The following KCNH3 variants were observed in gnomAD, a reference collection of about 807,000 sequenced individuals.
KCNH3 encodes the protein voltage-gated inwardly rectifying potassium channel KCNH3.
KCNH3 carries 36 observed loss-of-function variants against 95.6 expected under a neutral mutation model. The ratio of observed to expected loss-of-function variants is 0.38; its 90% confidence interval spans 0.29 to 0.50. KCNH3 has a LOEUF of 0.50. KCNH3 is among the 20% of genes least tolerant of loss of function. The pLI is 0.95. For missense variants in KCNH3, 1,030 were observed against 1,484.1 expected (o/e 0.69, Z 5.03); for synonymous variants, 620 against 646.3 (o/e 0.96, Z 0.62).
chr12:49,543,053 C>A (rs1937929570), intron 4 of KCNH3, among the ~76,000 whole-genome samples: 1 of 152,218 alleles, frequency 6.6e-6, no homozygotes, highest in Admixed American at 6.5e-5. Flanking sequence ...TCAATCCTGG[C>A]TCCTCCCCTA....
chr12:49,543,191 T>C lies in KCNH3; in HGVS notation c.580-84T>C. 3 of 1,428,052 alleles carry C rather than the reference T, an allele frequency of 2.1e-6. 1 individual carries two copies. The South Asian group carries it at 3.8e-5, about 18-fold the overall frequency. 88.5% of individuals were successfully genotyped at this position (1,428,052 alleles called of 1,614,324 possible). A position where few individuals can be genotyped will look rare whatever the true frequency, so the allele number is the denominator to read the frequency against. ...CGATAATGCAGGGATAGAAAGGAGG[T>C]GGATGCGGGTCCCAGACTCTATCCA... On this transcript the variant is annotated intron_variant, in intron 4 of 14. Transcript: ENST00000257981.
chr12:49,557,193 G>T lies in KCNH3; in HGVS notation c.2586G>T (p.Leu862=). 1 of 1,613,988 alleles carries T rather than the reference G, an allele frequency of 6.2e-7. No homozygotes were observed. Among genetic ancestry groups the T allele is most frequent in the Non-Finnish European group, 8.5e-7 (1 of 1,179,972 alleles). The change falls in exon 14 of 15, where the codon CTG becomes CTT. Residue 862 remains leucine, a synonymous_variant. Coordinates refer to ENST00000257981, the MANE Select transcript of KCNH3 (RefSeq NM_012284.3). ...TCCTACTACCCACAGAGAGCGGCCT[G>T]CTCACTGTTCCCCATGGGCCCAGCG... ...SSPSPGPESG[L]LTVPHGPSEA...
intron 7 of KCNH3, among the ~76,000 whole-genome samples, chr12:49,545,980 G>A (rs1262205654): frequency 1.3e-5 from 2 of 151,942 alleles, no homozygotes; most frequent in Admixed American, 6.6e-5. Flanking sequence ...GGGGTCAGAC[G>A]GCCACAAGAT....
chr12:49,544,144 C>CAACCCAA, intron 6 of KCNH3, 31 bp from the exon 7 acceptor site: 14 of 1,493,090 alleles, frequency 9.4e-6, no homozygotes, highest in Non-Finnish European at 1.0e-5. Context: ...GCTGACCTCC[C>CAACCCAA]TCCCTCCCTC....
chr12:49,550,860 G>A (rs1938235144), intron 10 of KCNH3, among the ~76,000 whole-genome samples: 3 of 152,164 alleles, frequency 2.0e-5, no homozygotes, highest in Admixed American at 1.3e-4. Flanking sequence ...TTCCCTTCCT[G>A]GGAAAAGAAG....
intron 9 of KCNH3, 33 bp from the exon 10 acceptor site, chr12:49,550,047 A>ACCCCCCCCCC: frequency 1.9e-6 from 1 of 539,782 alleles, no homozygotes; most frequent in Non-Finnish European, 3.0e-6. Context: ...TGCCACTCCC[A>ACCCCCCCCCC]ACCCCCCCAC....
At chr12:49,544,510 G>A in intron 7 of KCNH3, 128 bp downstream of exon 7, 1 of 881,688 alleles carries the variant, frequency 1.1e-6, no homozygotes, top group Admixed American at 2.1e-5. Flanking sequence ...CAGAGAAGAG[G>A]GTGTGCAGGT....
At chr12:49,542,945 C>T (rs1937926216) in intron 4 of KCNH3, 106 bp downstream of exon 4, 1 of 1,396,842 alleles carries the variant, frequency 7.2e-7, no homozygotes, top group Non-Finnish European at 9.6e-7. Context: ...GCCACCCAGG[C>T]CTTGCCAGCA....
chr12:49,543,804 G>A (rs1221433105), intron 5 of KCNH3, 111 bp from the exon 6 acceptor site: 4 of 1,387,344 alleles, frequency 2.9e-6, no homozygotes, highest in East Asian at 4.6e-5. Flanking sequence ...CTAAGACGAT[G>A]TATGGGAAGG....
In KCNH3 at chr12:49,548,984, G is replaced by A. The variant is rs1303011743; in HGVS notation, c.1279G>A (p.Asp427Asn). 3 of 1,610,772 alleles carry A rather than the reference G, an allele frequency of 1.9e-6. No homozygotes were observed. In the Admixed American group the frequency reaches 5.0e-5, roughly 27 times the overall value. Residue 427 changes from aspartate (D) to asparagine (N), a missense_variant, in exon 8 of 15, where the codon GAC (aspartate) becomes AAC (asparagine). By Grantham distance (23) the Asp-to-Asn change is conservative. This residue lies in a region of KCNH3 where 50 missense variants were observed against 41.0 expected (regional missense o/e 1.22). Transcript: ENST00000257981. ...TGGAGGGAACAGCTCCGGCCAGAGT[G>A]ACAACTGCAGCAGCAGCAGCGAGGC... is the stretch of plus-strand genomic sequence containing the variant. Reference protein sequence around the residue: ...PAGGNSSGQSDNCSSSSEANG... With the variant: ...PAGGNSSGQSNNCSSSSEANG...
intron 11 of KCNH3, among the ~76,000 whole-genome samples, chr12:49,554,819 C>T (rs1256027757): frequency 6.6e-6 from 1 of 152,168 alleles, no homozygotes; most frequent in East Asian, 1.9e-4. Context: ...TAGATGAATG[C>T]ATCAGTGCTG....
rs552155439 is a variant in KCNH3 at position 49,557,087 on chromosome 12, A to G, written c.2576-96A>G. The G allele has an allele frequency of 1.5e-4, 181 of 1,187,676 alleles. 2 individuals are homozygous for G. The highest frequency in any genetic ancestry group is 9.8e-4 in the South Asian group (77 of 78,538). 73.6% of individuals were successfully genotyped at this position (1,187,676 alleles called of 1,614,324 possible). ...ATGATCCTAGGAGTCAGGTCCTACC[A>G]GGTCAATGTGCTCTAACTGGGGCAA... On this transcript the variant is annotated intron_variant, in intron 13 of 14. Coordinates refer to ENST00000257981, the MANE Select transcript of KCNH3 (RefSeq NM_012284.3).
At chr12:49,552,618 C>T (rs1226260703) in intron 10 of KCNH3, among the ~76,000 whole-genome samples, 2 of 152,240 alleles carry the variant, frequency 1.3e-5, no homozygotes, top group African/African-American at 4.8e-5. Flanking sequence ...GCGCTTGCCT[C>T]TGTTGATGAA....
At chr12:49,556,070 C>T (rs1017182109) in intron 12 of KCNH3, 119 bp downstream of exon 12, 1 of 614,658 alleles carries the variant, frequency 1.6e-6, no homozygotes, top group Non-Finnish European at 2.9e-6. Context: ...TCTATGTGGG[C>T]CAAGCCTGCC....
At chr12:49,540,251 T>C (rs1488019097) in intron 1 of KCNH3, among the ~76,000 whole-genome samples, 1 of 152,148 alleles carries the variant, frequency 6.6e-6, no homozygotes, top group Non-Finnish European at 1.5e-5. Flanking sequence ...CACTCCGGGC[T>C]CCTCCATCTG....
chr12:49,539,237 C>A lies in KCNH3; in HGVS notation c.-180C>A, dbSNP rs1565771855. Reference sequence around the variant, plus strand: ...CGCCATGCTCCGGGCCCCGACGGCGCGGACGCCCCCTCGCGCGCCAGCGTC... The same window carrying A: ...CGCCATGCTCCGGGCCCCGACGGCGAGGACGCCCCCTCGCGCGCCAGCGTC... On this transcript the variant is annotated 5_prime_UTR_variant, in exon 1 of 15. Transcript: ENST00000257981. The surrounding 1 kb of genome is among the most constrained non-coding windows in gnomAD (Gnocchi z 6.7). The A allele has an allele frequency of 1.1e-5, 2 of 184,966 alleles. No homozygotes were observed. The highest frequency in any genetic ancestry group is 2.4e-5 in the African/African-American group (1 of 41,882). 11.5% of individuals were successfully genotyped at this position (184,966 alleles called of 1,614,324 possible).
intron 7 of KCNH3, among the ~76,000 whole-genome samples, chr12:49,546,536 A>G (rs2138147262): frequency 6.6e-6 from 1 of 152,076 alleles, no homozygotes; most frequent in East Asian, 1.9e-4. Flanking sequence ...ACTGCCCATG[A>G]TGTGGACAGA....
chr12:49,549,324 C>A (rs1354133207), intron 8 of KCNH3, 117 bp from the exon 9 acceptor site: 23 of 1,462,304 alleles, frequency 1.6e-5, no homozygotes, highest in Non-Finnish European at 2.1e-5. Context: ...AGACTTCGCC[C>A]GCACAGCGGC....
chr12:49,555,599 C>T (rs1938409910), intron 11 of KCNH3, 21 bp from the exon 12 acceptor site: 2 of 1,476,056 alleles, frequency 1.4e-6, no homozygotes, highest in African/African-American at 2.8e-5. Context: ...ATGCCGATTC[C>T]CTGTCCCTCA....
Sources: allele counts gnomAD v4.1 joint callset (sites outside exome capture counted in the v4.1 genomes callset), GRCh38; gene constraint gnomAD v4.1.1; regional missense constraint gnomAD v4.1.1; non-coding constraint Gnocchi (gnomAD v3.1); transcripts MANE v1.5; gene names NCBI Gene and HGNC (gene_info 2026-07-23, HGNC 2026-07-21).